AXIN1: variants seen among roughly 807,000 people sequenced by gnomAD.
AXIN1 encodes axin 1.
Under a neutral mutation model 76.4 loss-of-function variants are expected in AXIN1, and 30 were observed. The observed-to-expected ratio is 0.39, with a 90% CI of 0.29 to 0.53. The LOEUF (loss-of-function observed/expected upper bound fraction) is 0.53. Ranked by LOEUF, AXIN1 falls within the 20% of genes least tolerant of loss-of-function variation. AXIN1 has a pLI of 0.66. For synonymous variants in AXIN1, 545 were observed against 501.4 expected (o/e 1.09, Z -1.16); for missense variants, 1,140 against 1,198.8 (o/e 0.95, Z 0.72).
intron 3 of AXIN1, 137 bp downstream of exon 3, chr16:314,406 C>T (rs2053251881): frequency 7.3e-7 from 1 of 1,374,382 alleles, no homozygotes; most frequent in Non-Finnish European, 1.0e-6. Context: ...CAGGGTGGGA[C>T]TTACACGCTG....
At chr16:315,871 G>A (rs1472443955) in intron 2 of AXIN1, among the ~76,000 whole-genome samples, 1 of 146,274 alleles carries the variant, frequency 6.8e-6, no homozygotes, top group East Asian at 2.0e-4. Context: ...TGACCAACAT[G>A]GTGAAACCCC....
At chr16:317,272 C>G (rs2053325088) in intron 2 of AXIN1, among the ~76,000 whole-genome samples, 1 of 152,204 alleles carries the variant, frequency 6.6e-6, no homozygotes, top group Non-Finnish European at 1.5e-5. Flanking sequence ...CGGTGCTGGG[C>G]AGGGCCTCGC....
chr16:319,233 G>A (rs1168337468), intron 2 of AXIN1, among the ~76,000 whole-genome samples: 2 of 152,158 alleles, frequency 1.3e-5, no homozygotes, highest in Non-Finnish European at 2.9e-5. Flanking sequence ...AGCGACTTGG[G>A]AGGGTAAGGC....
chr16:341,935 G>A (rs1264797776), intron 2 of AXIN1, among the ~76,000 whole-genome samples: 1 of 152,188 alleles, frequency 6.6e-6, no homozygotes, highest in African/African-American at 2.4e-5. Context: ...GTGAGGATGT[G>A]GAGAAGCTTT....
rs200673969 is a variant in AXIN1, at chr16:293,606, T to G, written c.2068A>C (p.Ile690Leu). Residue 690 changes from isoleucine (I) to leucine (L), a missense_variant, in exon 8 of 11, where the codon ATC (isoleucine) becomes CTC (leucine). Ile to Leu is a conservative substitution (Grantham distance 5). Coordinates refer to ENST00000262320, the MANE Select transcript of AXIN1 (RefSeq NM_003502.4). The surrounding 1 kb of genome is among the most constrained non-coding windows in gnomAD (Gnocchi z 4.6). ...RTSVQPSHLF[I>L]QDPTMPPHPA... ...TGGGGTGGCATGGTGGGGTCTTGGA[T>G]GAAGAGGTGGGAGGGCTGCACGGAG... 1 of 1,612,842 alleles carries G rather than the reference T, an allele frequency of 6.2e-7. No homozygotes were observed. Among genetic ancestry groups the G allele is most frequent in the Non-Finnish European group, 8.5e-7 (1 of 1,179,844 alleles).
chr16:328,571 C>G (rs988629744), intron 2 of AXIN1, among the ~76,000 whole-genome samples: 16 of 152,102 alleles, frequency 1.1e-4, no homozygotes, highest in African/African-American at 3.6e-4. Context: ...TGGCACATGT[C>G]TGTAATCCCA....
chr16:288,227 G>A lies in AXIN1; in HGVS notation c.2484C>T (p.Ser828=), dbSNP rs568525212. 75 of 1,613,650 alleles carry A rather than the reference G, an allele frequency of 4.6e-5. No individual in the cohort carries two copies. Among genetic ancestry groups the A allele is most frequent in the African/African-American group, 1.3e-4 (10 of 75,052 alleles). The change falls in exon 11 of 11, where the codon AGC becomes AGT. Residue 828 remains serine (S), a synonymous_variant. Transcript: ENST00000262320. ...ACACCACCCCACAGTCAAACTCGTC[G>A]CTCACTTTCTTGAAGTAGTATCTGC... ...GSYRYYFKKV[S]DEFDCGVVFE...
chr16:324,528 G>A (rs892834106), intron 2 of AXIN1, among the ~76,000 whole-genome samples: 3 of 152,222 alleles, frequency 2.0e-5, no homozygotes, highest in East Asian at 1.9e-4. Flanking sequence ...AGTTTGTGGA[G>A]ATAAACAGAA....
At chr16:336,424 T>C (rs2053804235) in intron 2 of AXIN1, among the ~76,000 whole-genome samples, 1 of 152,204 alleles carries the variant, frequency 6.6e-6, no homozygotes, top group Non-Finnish European at 1.5e-5. Flanking sequence ...AATTAATATG[T>C]GTCAGCCCTG....
chr16:296,284 A>G (rs1161653454), intron 7 of AXIN1, among the ~76,000 whole-genome samples: 1 of 152,238 alleles, frequency 6.6e-6, no homozygotes, highest in East Asian at 1.9e-4. Flanking sequence ...CTCATCAAGT[A>G]ATGTGGAGGG....
intron 8 of AXIN1, 146 bp from the exon 9 acceptor site, chr16:291,443 G>C: frequency 1.4e-6 from 1 of 719,416 alleles, no homozygotes; most frequent in Non-Finnish European, 2.5e-6. Flanking sequence ...TTGCAGGGTA[G>C]ACAAGACACC....
chr16:341,776 T>C (rs551422550), intron 2 of AXIN1, among the ~76,000 whole-genome samples: 36 of 152,358 alleles, frequency 2.4e-4, no homozygotes, highest in Non-Finnish European at 4.9e-4. Context: ...ATCGGCACTC[T>C]GTATCTAGCA....
rs1350838794 is a variant in AXIN1, at chr16:291,239, C to T, written c.2245G>A (p.Val749Met). 3 of 1,587,604 alleles carry T rather than the reference C, an allele frequency of 1.9e-6. No individual in the cohort carries two copies. Among genetic ancestry groups the T allele is most frequent in the Non-Finnish European group, 2.6e-6 (3 of 1,168,102 alleles). The change falls in exon 9 of 11, where the codon GTG becomes ATG. Residue 749 changes from valine to methionine, a missense_variant. This residue lies in a region of AXIN1 where 429 missense variants were observed against 405.8 expected (regional missense o/e 1.06). Transcript: ENST00000262320. Reference protein sequence around the residue: ...RACVRPACAPVLHVVPAVSDM... With the variant: ...RACVRPACAPMLHVVPAVSDM... ...GACACGGCTGGTACCACGTGCAGCA[C>T]CGGCGCGCACGCTGGCCTGACGCAG...
intron 9 of AXIN1, 145 bp from the exon 10 acceptor site, chr16:289,752 C>G: frequency 1.0e-6 from 1 of 968,570 alleles, no homozygotes; most frequent in African/African-American, 1.6e-5. Flanking sequence ...GGCCCGCAGC[C>G]CCCGCACAGC....
chr16:349,047 G>A (rs1430085435), intron 1 of AXIN1, among the ~76,000 whole-genome samples: 2 of 151,356 alleles, frequency 1.3e-5, no homozygotes, highest in East Asian at 1.9e-4. Context: ...GCAGTGAGCC[G>A]ACACCGCGCC....
rs1596981623 is a variant in AXIN1, at chr16:293,586, T to A, written c.2088A>T (p.Pro696=). The part of the protein sequence containing the change: ...SHLFIQDPTM[P]PHPAPNPLTQ... ...TTAGGGGGTTGGGAGCTGGGTGGGG[T>A]GGCATGGTGGGGTCTTGGATGAAGA... is the stretch of plus-strand genomic sequence containing the variant. Residue 696 remains proline (P), a synonymous_variant, in exon 8 of 11, where the codon CCA becomes CCT. Transcript: ENST00000262320. This position sits in a 1 kb window ranked among gnomAD's most constrained non-coding sequence, Gnocchi z 4.6. The A allele has an allele frequency of 1.2e-5, 20 of 1,611,862 alleles. No homozygotes were observed. In the South Asian group the frequency reaches 2.1e-4, roughly 17 times the overall value.
rs753621111 is a variant in AXIN1, at chr16:291,201, G to C, written c.2283C>G (p.Leu761=). The part of the protein sequence containing the change: ...HVVPAVSDME[L]SETETRSQRK... ...CAGGACGCACGTACTCTGTCTCGGA[G>C]AGCTCCATGTCCGACACGGCTGGTA... The change falls in exon 9 of 11, where the codon CTC becomes CTG. Residue 761 remains leucine (L), a synonymous_variant. Coordinates refer to ENST00000262320, the MANE Select transcript of AXIN1 (RefSeq NM_003502.4). The C allele has an allele frequency of 2.5e-6, 4 of 1,586,350 alleles. No individual in the cohort carries two copies. In the African/African-American group the frequency reaches 5.4e-5, roughly 21 times the overall value.
chr16:326,243 A>G (rs2053576116), intron 2 of AXIN1, among the ~76,000 whole-genome samples: 1 of 150,180 alleles, frequency 6.7e-6, no homozygotes, highest in Non-Finnish European at 1.5e-5. Flanking sequence ...AATCCCAGCT[A>G]CTCGGGAGGC....
chr16:293,960 C>CA lies in AXIN1; in HGVS notation c.1956-243dup, dbSNP rs1445476654. Among the ~76,000 whole-genome samples, 17 of 151,206 alleles carry CA rather than the reference C, an allele frequency of 1.1e-4. No homozygotes were observed. Among genetic ancestry groups the CA allele is most frequent in the African/African-American group, 3.9e-4 (16 of 41,470 alleles). On this transcript the variant is annotated intron_variant, in intron 7 of 10. Coordinates refer to ENST00000262320, the MANE Select transcript of AXIN1 (RefSeq NM_003502.4). The surrounding 1 kb of genome is among the most constrained non-coding windows in gnomAD (Gnocchi z 4.6). ...CGGGAGGCCGAGGCGGGCAGATCAC[C>CA]AGAGGTCGGGAGTTCGAGATCAACC...
Sources: allele counts gnomAD v4.1 joint callset (sites outside exome capture counted in the v4.1 genomes callset), GRCh38; gene constraint gnomAD v4.1.1; regional missense constraint gnomAD v4.1.1; non-coding constraint Gnocchi (gnomAD v3.1); transcripts MANE v1.5; gene names NCBI Gene and HGNC (gene_info 2026-07-23, HGNC 2026-07-21).